The following BCLAF1 variants were observed in gnomAD, a reference collection of about 807,000 sequenced individuals.
BCLAF1 encodes the protein BCL2 associated transcription factor 1.
A neutral mutation model predicts 99.5 loss-of-function variants in BCLAF1; 10 were observed. The ratio of observed to expected loss-of-function variants is 0.10; its 90% confidence interval spans 0.06 to 0.17. The LOEUF is 0.17. Among genes scored for constraint, BCLAF1 ranks in the 10% least tolerant of loss-of-function variants. The pLI, the probability that BCLAF1 is intolerant of heterozygous loss-of-function variation, is 1.00. For missense variants in BCLAF1, 636 were observed against 1,105.8 expected (o/e 0.58, Z 6.02); for synonymous variants, 255 against 370.9 (o/e 0.69, Z 3.59).
At position 136,258,287 on chromosome 6, in the gene BCLAF1, A is replaced by T. The variant is rs1318269577; in HGVS notation, c.*2823T>A. ...CCCAGATTAACGTAAGAAAACGAGG[A>T]CTAAACTGGACATCCAGAATTCCTT... On this transcript the variant is annotated 3_prime_UTR_variant, in exon 13 of 13. Coordinates refer to ENST00000531224, the MANE Select transcript of BCLAF1 (RefSeq NM_014739.3). 6.6e-6 allele frequency: 1 copy of T among 152,106 alleles called. No individual in the cohort carries two copies. Among genetic ancestry groups the T allele is most frequent in the Admixed American group, 6.5e-5 (1 of 15,270 alleles). The allele number at this position is 152,106 out of a possible 1,614,324, so 9.4% of individuals were successfully genotyped here.
At chr6:136,274,409 T>C (rs1357620623) in intron 6 of BCLAF1, among the ~76,000 whole-genome samples, 1 of 150,996 alleles carries the variant, frequency 6.6e-6, no homozygotes, top group African/African-American at 2.4e-5. Context: ...GATTAAAAAA[T>C]TAAAAAAAAA....
chr6:136,269,345 G>A (rs761961238), intron 9 of BCLAF1, 92 bp downstream of exon 9: 152 of 1,572,260 alleles, frequency 9.7e-5, no homozygotes, highest in Middle Eastern at 1.7e-4. Flanking sequence ...TTAAACATTC[G>A]ATTACACAGT....
chr6:136,272,663 T>C (rs1782695256), intron 7 of BCLAF1, among the ~76,000 whole-genome samples: 1 of 151,924 alleles, frequency 6.6e-6, no homozygotes, highest in Non-Finnish European at 1.5e-5. Context: ...GATTAAGTTG[T>C]TCATCACAAT....
chr6:136,261,205 T>C (rs1016876720), intron 12 of BCLAF1, 60 bp downstream of exon 12: 13 of 1,572,738 alleles, frequency 8.3e-6, no homozygotes, highest in Non-Finnish European at 1.1e-5. Context: ...AATGAAATAA[T>C]TCACCCACCA....
intron 7 of BCLAF1, 52 bp downstream of exon 7, chr6:136,273,030 T>C: frequency 3.7e-6 from 5 of 1,340,278 alleles, no homozygotes; most frequent in Non-Finnish European, 5.2e-6. Context: ...GTTTTAACAG[T>C]GTCTTCCTAT....
At chr6:136,280,960 C>T (rs1784315150) in intron 2 of BCLAF1, among the ~76,000 whole-genome samples, 1 of 152,146 alleles carries the variant, frequency 6.6e-6, no homozygotes, top group South Asian at 2.1e-4. Context: ...AATAGTATCT[C>T]CTACAACCAA....
At chr6:136,282,020 A>AT (rs761678614) in intron 2 of BCLAF1, among the ~76,000 whole-genome samples, 2 of 152,208 alleles carry the variant, frequency 1.3e-5, no homozygotes, top group Non-Finnish European at 2.9e-5. Flanking sequence ...AAATGGATTG[A>AT]TATCTTCTGC....
chr6:136,276,492 A>G lies in BCLAF1; in HGVS notation c.1033T>C (p.Ser345Pro). 1 of 1,576,158 alleles carries G rather than the reference A, an allele frequency of 6.3e-7. No homozygotes were observed. Among genetic ancestry groups the G allele is most frequent in the Non-Finnish European group, 8.6e-7 (1 of 1,166,676 alleles). The stretch of plus-strand genomic sequence containing the variant: ...CCCCTATCAAGCAGGAATACTCTAG[A>G]CTCTTCATCTGTGAACCTGCGAATA... ...KFLKRFTDEE[S>P]RVFLLDRGNT... Residue 345 changes from serine (S) to proline (P), a missense_variant, in exon 5 of 13, where the codon TCT becomes CCT. Physicochemically the swap from Ser to Pro is moderately conservative, Grantham distance 74. Coordinates refer to ENST00000531224, the MANE Select transcript of BCLAF1 (RefSeq NM_014739.3).
chr6:136,280,340 G>A (rs1784207639), intron 2 of BCLAF1, among the ~76,000 whole-genome samples: 2 of 152,098 alleles, frequency 1.3e-5, no homozygotes, highest in Admixed American at 1.3e-4. Flanking sequence ...GTGCTTTATG[G>A]CCTTGAAAAT....
In BCLAF1 at chr6:136,268,179, G is replaced by C; in HGVS notation, c.2380C>G (p.Arg794Gly). The change falls in exon 10 of 13, where the codon CGA becomes GGA. Residue 794 changes from arginine (R) to glycine (G), a missense_variant. Around this residue, in one of 9 missense-constraint regions of BCLAF1, gnomAD observed 180 missense variants for 270.0 expected, o/e 0.67. Coordinates refer to ENST00000531224, the MANE Select transcript of BCLAF1 (RefSeq NM_014739.3). ...TCACTTACAAAGGTTCCTCGTGGTC[G>C]GCTAACTCCTGCAAAGCCTGAGTAT... Reference protein sequence around the residue: ...KEYSGFAGVSRPRGTFFRIRG... With the variant: ...KEYSGFAGVSGPRGTFFRIRG... 2 of 1,534,036 alleles carry C rather than the reference G, an allele frequency of 1.3e-6. No homozygotes were observed. The highest frequency in any genetic ancestry group is 1.7e-6 in the Non-Finnish European group (2 of 1,146,108).
intron 8 of BCLAF1, chr6:136,270,033 A>C (rs1215788343): frequency 6.5e-6 from 1 of 152,880 alleles, no homozygotes; most frequent in African/African-American, 2.4e-5. Flanking sequence ...CTTCTACCTA[A>C]ATAAAAGAGA....
chr6:136,257,024 C>A lies in BCLAF1; in HGVS notation c.*4086G>T, dbSNP rs1363163219. On this transcript the variant is annotated 3_prime_UTR_variant, in exon 13 of 13. Transcript: ENST00000531224. ...TATGATCATGTACTTTTATTAAAGG[C>A]AGAGCTCATTATTAATGAAATCTGG... 3.9e-5 allele frequency: 6 copies of A among 152,128 alleles called. No individual in the cohort carries two copies. Among genetic ancestry groups the A allele is most frequent in the Admixed American group, 3.9e-4 (6 of 15,266 alleles). The allele number at this position is 152,128 out of a possible 1,614,324, so 9.4% of individuals were successfully genotyped here. A position where few individuals can be genotyped will look rare whatever the true frequency, so the allele number is the denominator to read the frequency against.
chr6:136,289,614 T>C (rs1438750264), intron 1 of BCLAF1, 99 bp downstream of exon 1: 3 of 152,342 alleles, frequency 2.0e-5, no homozygotes, highest in African/African-American at 4.8e-5. Context: ...GGTTCTCCTT[T>C]CGCCGCCAAC....
At position 136,269,549 on chromosome 6, in the gene BCLAF1, C is replaced by G. The variant is rs1032225109; in HGVS notation, c.2107G>C (p.Glu703Gln). The G allele has an allele frequency of 6.2e-7, 1 of 1,612,240 alleles. No homozygotes were observed. The change falls in exon 9 of 13, where the codon GAA becomes CAA. Residue 703 changes from glutamate to glutamine, a missense_variant. Physicochemically the swap from Glu to Gln is conservative, Grantham distance 29. This residue lies in a region of BCLAF1 where 180 missense variants were observed against 270.0 expected (regional missense o/e 0.67). Coordinates refer to ENST00000531224, the MANE Select transcript of BCLAF1 (RefSeq NM_014739.3). ...GAATCTCCCCGTTCTTTACTTCTTT[C>G]TTTTCTACGGCGATCAATGTCATGC... The part of the protein sequence containing the change: ...LRHDIDRRRK[E>Q]RSKERGDSKG...
chr6:136,264,620 C>G (rs1584012724), intron 11 of BCLAF1, among the ~76,000 whole-genome samples: 1 of 152,144 alleles, frequency 6.6e-6, no homozygotes, highest in East Asian at 1.9e-4. Flanking sequence ...TCTTCTGAAT[C>G]ATATTTTTCC....
Position 136,267,188 on chromosome 6 carries a change from A to G in BCLAF1, c.2398-13T>C. 2 of 1,611,134 alleles carry G rather than the reference A, an allele frequency of 1.2e-6. No individual in the cohort carries two copies. The highest frequency in any genetic ancestry group is 2.2e-5 in the South Asian group (2 of 90,866). ...CTCTAATTCGAAACTGATTAACATTAACAAAGTTGTTTAGTGATGCAATCA... is the reference window on the plus strand; with the variant it reads ...CTCTAATTCGAAACTGATTAACATTGACAAAGTTGTTTAGTGATGCAATCA... On this transcript the variant is annotated splice_polypyrimidine_tract_variant and intron_variant, in intron 10 of 12. Transcript: ENST00000531224.
At position 136,260,922 on chromosome 6, in the gene BCLAF1, C is replaced by T. The variant is rs1194439357; in HGVS notation, c.*188G>A. ...TACGTAACAATTTTCTACTTTATTT[C>T]AGTACAATTTTCAACATACAGTCTA... On this transcript the variant is annotated 3_prime_UTR_variant, in exon 13 of 13. Transcript: ENST00000531224. 2 of 567,958 alleles carry T rather than the reference C, an allele frequency of 3.5e-6. No individual in the cohort carries two copies. The highest frequency in any genetic ancestry group is 6.0e-6 in the Non-Finnish European group (2 of 335,188). The allele number at this position is 567,958 out of a possible 1,614,324, so 35.2% of individuals were successfully genotyped here. A position where few individuals can be genotyped will look rare whatever the true frequency, so the allele number is the denominator to read the frequency against.
chr6:136,276,506 A>C lies in BCLAF1; in HGVS notation c.1019T>G (p.Phe340Cys). The C allele has an allele frequency of 6.3e-7, 1 of 1,583,588 alleles. No individual in the cohort carries two copies. The highest frequency in any genetic ancestry group is 8.5e-7 in the Non-Finnish European group (1 of 1,169,724). The change falls in exon 5 of 13, where the codon TTC becomes TGC. Residue 340 changes from phenylalanine (F) to cysteine (C), a missense_variant and splice_region_variant. Physicochemically the swap from Phe to Cys is radical, Grantham distance 205. Transcript: ENST00000531224. The part of the protein sequence containing the change: ...TAKTGKFLKR[F>C]TDEESRVFLL... ...GAATACTCTAGACTCTTCATCTGTG[A>C]ACCTGCGAATAAGCAAAGAAGAGGA...
At chr6:136,280,661 C>T (rs968305525) in intron 2 of BCLAF1, among the ~76,000 whole-genome samples, 1 of 151,950 alleles carries the variant, frequency 6.6e-6, no homozygotes, top group Non-Finnish European at 1.5e-5. Flanking sequence ...ACATGGTATC[C>T]AATGCTATAA....
Sources: allele counts gnomAD v4.1 joint callset (sites outside exome capture counted in the v4.1 genomes callset), GRCh38; gene constraint gnomAD v4.1.1; regional missense constraint gnomAD v4.1.1; transcripts MANE v1.5; gene names NCBI Gene and HGNC (gene_info 2026-07-23, HGNC 2026-07-21).